Variants in PACRG observed in about 807,000 individuals in gnomAD.
PACRG encodes the protein parkin coregulated, also known as parkin coregulated gene protein.
In PACRG, 29 loss-of-function variants were observed where a neutral mutation model predicts 29.7. That is an observed-to-expected ratio of 0.98 (90% CI 0.73 to 1.33). PACRG has a LOEUF of 1.33. Among genes scored for constraint, PACRG ranks in the 40% most tolerant of loss-of-function variants. The probability of loss-of-function intolerance (pLI) is 0.00; values close to 1 mark genes in which losing one functional copy is unlikely to be tolerated. For synonymous variants in PACRG, 116 were observed against 118.7 expected, an observed-to-expected ratio of 0.98 and a Z score of 0.15; for missense variants, 279 against 316.2, an observed-to-expected ratio of 0.88 and a Z score of 0.89.
intron 4 of PACRG, among the ~76,000 whole-genome samples, chr6:163,156,197 C>G (rs113401349): frequency 1.3e-3 from 200 of 152,352 alleles, no homozygotes; most frequent in Middle Eastern, 3.4e-3. Flanking sequence ...CTTCAGCCAC[C>G]GCCTTTAAGC....
At chr6:163,239,794 A>T (rs1443517537) in intron 4 of PACRG, among the ~76,000 whole-genome samples, 4 of 144,098 alleles carry the variant, frequency 2.8e-5, no homozygotes, top group Non-Finnish European at 6.1e-5. Flanking sequence ...ACACACACTC[A>T]CACATTCACA....
chr6:163,008,711 T>C (rs2128208164), intron 2 of PACRG, among the ~76,000 whole-genome samples: 1 of 149,346 alleles, frequency 6.7e-6, no homozygotes, highest in African/African-American at 2.5e-5. Flanking sequence ...TGTATTCCTT[T>C]CCCTTCGTGA....
chr6:163,282,934 T>G (rs1268061148), intron 4 of PACRG, among the ~76,000 whole-genome samples: 1 of 152,230 alleles, frequency 6.6e-6, no homozygotes, highest in Non-Finnish European at 1.5e-5. Flanking sequence ...GACCTGCCAC[T>G]GGGGCAAATT....
chr6:162,958,518 T>C (rs144769227), intron 2 of PACRG, among the ~76,000 whole-genome samples: 1 of 152,268 alleles, frequency 6.6e-6, no homozygotes, highest in East Asian at 1.9e-4. Flanking sequence ...GTGGTCATTT[T>C]AGTTGTAGCA....
intron 2 of PACRG, among the ~76,000 whole-genome samples, chr6:163,037,016 A>G (rs1808263861): frequency 6.6e-6 from 1 of 152,208 alleles, no homozygotes. Flanking sequence ...GGCGAATTGT[A>G]AACAAGTGTG....
chr6:162,986,755 G>C (rs955741175), intron 2 of PACRG, among the ~76,000 whole-genome samples: 5 of 152,176 alleles, frequency 3.3e-5, no homozygotes, highest in South Asian at 2.1e-4. Context: ...GGATTAATTC[G>C]AAAGCCTTGT....
At chr6:162,821,819 G>A (rs1014104244) in intron 2 of PACRG, among the ~76,000 whole-genome samples, 7 of 152,190 alleles carry the variant, frequency 4.6e-5, no homozygotes, top group South Asian at 2.1e-4. Context: ...CTTATCACTC[G>A]TCACACGTCT....
At chr6:162,978,763 A>C (rs1474133023) in intron 2 of PACRG, among the ~76,000 whole-genome samples, 1 of 152,212 alleles carries the variant, frequency 6.6e-6, no homozygotes, top group African/African-American at 2.4e-5. Context: ...CAAATTAAAC[A>C]CAGACTATAT....
At chr6:163,264,042 A>G (rs112957624) in intron 4 of PACRG, among the ~76,000 whole-genome samples, 12 of 152,130 alleles carry the variant, frequency 7.9e-5, no homozygotes, top group Admixed American at 1.3e-4. Context: ...CCCATTTTAT[A>G]CTTGAGGGAG....
intron 4 of PACRG, among the ~76,000 whole-genome samples, chr6:163,179,602 A>G (rs1011045539): frequency 6.6e-6 from 1 of 151,776 alleles, no homozygotes; most frequent in Non-Finnish European, 1.5e-5. Context: ...GCTACTCGGG[A>G]GGCCGAGATG....
At chr6:163,177,709 G>GTTTTTTTTTTTTT (rs1562951194) in intron 4 of PACRG, among the ~76,000 whole-genome samples, 2 of 33,668 alleles carry the variant, frequency 5.9e-5, no homozygotes, top group Non-Finnish European at 1.3e-4. Context: ...TTAGAAAAGG[G>GTTTTTTTTTTTTT]ATTTTTTTTT....
chr6:163,154,590 G>T (rs1372847402), intron 4 of PACRG, among the ~76,000 whole-genome samples: 2 of 152,154 alleles, frequency 1.3e-5, no homozygotes, highest in African/African-American at 4.8e-5. Flanking sequence ...CCTAGATGTT[G>T]CTCTTGCTCA....
chr6:162,981,099 A>G (rs113333023), intron 2 of PACRG, among the ~76,000 whole-genome samples: 1,965 of 151,934 alleles, frequency 0.013, 40 homozygotes, highest in African/African-American at 0.044. Context: ...TTGTGTCCTC[A>G]TAGCTTGACT....
chr6:162,851,159 C>T (rs1790826247), intron 2 of PACRG, among the ~76,000 whole-genome samples: 2 of 152,246 alleles, frequency 1.3e-5, no homozygotes, highest in Admixed American at 1.3e-4. Flanking sequence ...GCCACTGAAC[C>T]TCCTGGTGAG....
chr6:163,015,858 A>G (rs118163087), intron 2 of PACRG, among the ~76,000 whole-genome samples: 1 of 152,274 alleles, frequency 6.6e-6, no homozygotes, highest in Non-Finnish European at 1.5e-5. Context: ...CTATTTTAAA[A>G]GGAGTGTTAT....
chr6:162,913,426 A>G (rs955398631), intron 2 of PACRG, among the ~76,000 whole-genome samples: 8 of 152,260 alleles, frequency 5.3e-5, no homozygotes, highest in African/African-American at 1.7e-4. Flanking sequence ...GTTTTATTGT[A>G]TAGAAATAGC....
At chr6:163,292,215 G>T (rs1303142722) in intron 4 of PACRG, among the ~76,000 whole-genome samples, 3 of 152,192 alleles carry the variant, frequency 2.0e-5, no homozygotes, top group African/African-American at 4.8e-5. Context: ...CAGTCGAGGG[G>T]CTGGGGGATA....
chr6:163,068,478 A>AATGCTTTTT (rs1344925885), intron 3 of PACRG, among the ~76,000 whole-genome samples: 1 of 131,868 alleles, frequency 7.6e-6, no homozygotes, highest in Non-Finnish European at 1.5e-5. Flanking sequence ...GATATACTTT[A>AATGCTTTTT]ATGCTTTTTT....
intron 2 of PACRG, among the ~76,000 whole-genome samples, chr6:162,892,834 G>A (rs1373803973): frequency 6.6e-6 from 1 of 152,020 alleles, no homozygotes. Flanking sequence ...ACTGACATAG[G>A]GCACACTAAT....
Sources: gnomAD v4.1 joint callset for allele counts (sites outside exome capture counted in the v4.1 genomes callset) on GRCh38, gnomAD v4.1.1 for gene constraint, MANE v1.5 for transcripts, NCBI Gene and HGNC (gene_info 2026-07-23, HGNC 2026-07-21) for gene names.